The following TRABD2B variants were observed in gnomAD, a reference collection of about 807,000 sequenced individuals.
TRABD2B encodes the protein metalloprotease TIKI2.
TRABD2B carries 14 observed loss-of-function variants against 40.1 expected under a neutral mutation model. The ratio of observed to expected loss-of-function variants is 0.35; its 90% CI spans 0.23 to 0.55. The LOEUF is 0.55. TRABD2B is among the 20% of genes least tolerant of loss of function. The probability of loss-of-function intolerance (pLI) is 0.90; values close to 1 mark genes in which losing one functional copy is unlikely to be tolerated. For missense variants in TRABD2B, 541 were observed against 648.6 expected (o/e 0.83, Z 1.80); for synonymous variants, 263 against 277.0 (o/e 0.95, Z 0.50).
chr1:47,890,245 C>T (rs931855952), intron 2 of TRABD2B, among the ~76,000 whole-genome samples: 1 of 152,154 alleles, frequency 6.6e-6, no homozygotes, highest in Non-Finnish European at 1.5e-5. Flanking sequence ...GTAACAGGAT[C>T]GGGGTCAGGT....
At chr1:47,956,364 C>G (rs1645422140) in intron 2 of TRABD2B, among the ~76,000 whole-genome samples, 1 of 152,158 alleles carries the variant, frequency 6.6e-6, no homozygotes, top group African/African-American at 2.4e-5. Flanking sequence ...GCTTGTCGGA[C>G]AGTGGGTGCA....
intron 2 of TRABD2B, among the ~76,000 whole-genome samples, chr1:47,971,574 A>G (rs1050003442): frequency 1.4e-4 from 22 of 152,176 alleles, no homozygotes; most frequent in African/African-American, 5.3e-4. Context: ...ACACTCAGAT[A>G]CCACACCTTA....
chr1:47,897,066 A>G (rs938176116), intron 2 of TRABD2B, among the ~76,000 whole-genome samples: 2 of 152,214 alleles, frequency 1.3e-5, no homozygotes, highest in Non-Finnish European at 2.9e-5. Context: ...AAACATAGCA[A>G]GTAAATTATG....
intron 2 of TRABD2B, among the ~76,000 whole-genome samples, chr1:47,844,694 A>G (rs1171362732): frequency 6.6e-6 from 1 of 152,212 alleles, no homozygotes; most frequent in Non-Finnish European, 1.5e-5. Flanking sequence ...GGAATGATGG[A>G]TTCAGGAACA....
intron 2 of TRABD2B, among the ~76,000 whole-genome samples, chr1:47,992,314 A>G (rs1223222850): frequency 6.6e-6 from 1 of 152,138 alleles, no homozygotes; most frequent in Non-Finnish European, 1.5e-5. Context: ...AACCTCACAC[A>G]CACTTTCCAG....
chr1:47,924,032 T>C (rs375027206), intron 2 of TRABD2B, among the ~76,000 whole-genome samples: 1 of 152,078 alleles, frequency 6.6e-6, no homozygotes, highest in Non-Finnish European at 1.5e-5. Context: ...ATTTATGGTC[T>C]AGAATGTTTC....
intron 2 of TRABD2B, among the ~76,000 whole-genome samples, chr1:47,977,049 G>T (rs1645766101): frequency 6.6e-6 from 1 of 150,630 alleles, no homozygotes; most frequent in Admixed American, 6.7e-5. Flanking sequence ...TTAGCTTTAT[G>T]CAATTTTAAG....
At chr1:47,914,516 C>T (rs1644804656) in intron 2 of TRABD2B, among the ~76,000 whole-genome samples, 1 of 152,266 alleles carries the variant, frequency 6.6e-6, no homozygotes, top group Non-Finnish European at 1.5e-5. Context: ...GGCCCACAGC[C>T]AGCTCATCTG....
intron 2 of TRABD2B, among the ~76,000 whole-genome samples, chr1:47,942,407 A>G (rs756683334): frequency 1.3e-5 from 2 of 152,154 alleles, no homozygotes; most frequent in Admixed American, 1.3e-4. Flanking sequence ...CAGTGGCTCC[A>G]TAGCTGCAGT....
chr1:47,795,095 G>A (rs1345291974), intron 3 of TRABD2B, among the ~76,000 whole-genome samples: 1 of 152,182 alleles, frequency 6.6e-6, no homozygotes, highest in African/African-American at 2.4e-5. Context: ...TATGGAGCAA[G>A]GTGGACTTAG....
At chr1:47,943,350 C>T (rs913904090) in intron 2 of TRABD2B, among the ~76,000 whole-genome samples, 7 of 152,318 alleles carry the variant, frequency 4.6e-5, no homozygotes, top group South Asian at 2.1e-4. Context: ...TGAGCTTCTA[C>T]GTCCCATTAT....
At chr1:47,896,684 T>C (rs905356824) in intron 2 of TRABD2B, among the ~76,000 whole-genome samples, 1 of 152,180 alleles carries the variant, frequency 6.6e-6, no homozygotes, top group Non-Finnish European at 1.5e-5. Context: ...CTCTCTGAGG[T>C]ACCTCTACCT....
At chr1:47,863,708 C>T (rs1293691416) in intron 2 of TRABD2B, among the ~76,000 whole-genome samples, 2 of 152,090 alleles carry the variant, frequency 1.3e-5, no homozygotes, top group Admixed American at 6.6e-5. Flanking sequence ...CAAAATTAAA[C>T]ACACTCTTAC....
At position 47,775,295 on chromosome 1, in the gene TRABD2B, G is replaced by T. The variant is rs1204821581; in HGVS notation, c.1224C>A (p.His408Gln). The T allele has an allele frequency of 6.4e-6, 8 of 1,255,758 alleles. No individual in the cohort carries two copies. The highest frequency in any genetic ancestry group is 5.0e-6 in the Non-Finnish European group (5 of 997,560). The allele number at this position is 1,255,758 out of a possible 1,614,324, so 77.8% of individuals were successfully genotyped here. Residue 408 changes from histidine to glutamine, a missense_variant, in exon 6 of 7, where the codon CAC (histidine) becomes CAA (glutamine). His to Gln is a conservative substitution (Grantham distance 24, BLOSUM62 0). Transcript: ENST00000606738. ...PEDEDPALSPHLLLPDSLSQL... is the reference protein window; with the variant it reads ...PEDEDPALSPQLLLPDSLSQL... Reference sequence around the variant, plus strand: ...GGCTGAGGCTGTCGGGGAGCAGGAGGTGTGGGGACAGGGCTGGATCCTCAT... The same window carrying T: ...GGCTGAGGCTGTCGGGGAGCAGGAGTTGTGGGGACAGGGCTGGATCCTCAT...
chr1:47,967,904 A>C (rs1207074070), intron 2 of TRABD2B, among the ~76,000 whole-genome samples: 1 of 152,274 alleles, frequency 6.6e-6, no homozygotes, highest in Non-Finnish European at 1.5e-5. Flanking sequence ...AACGGTTATA[A>C]CTTTTTATCC....
chr1:47,965,398 A>C (rs926590072), intron 2 of TRABD2B, among the ~76,000 whole-genome samples: 7 of 152,062 alleles, frequency 4.6e-5, no homozygotes, highest in Admixed American at 3.3e-4. Flanking sequence ...GCAAAAAAAA[A>C]AAAAATCTCC....
In TRABD2B at chr1:47,823,276, A is replaced by C. The variant is rs1570048061; in HGVS notation, c.667-21657T>G. Among the ~76,000 whole-genome samples the C allele has an allele frequency of 2.0e-5, 3 of 152,254 alleles. No homozygotes were observed. In the East Asian group the frequency reaches 5.8e-4, roughly 29 times the overall value. ...GTCAGCACATTCTTGGAACAAATGCACTGAAAGGCTGGTCCTCCGATTCCA... is the reference window on the plus strand; with the variant it reads ...GTCAGCACATTCTTGGAACAAATGCCCTGAAAGGCTGGTCCTCCGATTCCA... On this transcript the variant is annotated intron_variant, in intron 2 of 6. Coordinates refer to ENST00000606738, the MANE Select transcript of TRABD2B (RefSeq NM_001194986.2).
At chr1:47,795,758 C>T (rs1557573731) in intron 3 of TRABD2B, 16 of 945,818 alleles carry the variant, frequency 1.7e-5, no homozygotes, top group East Asian at 1.2e-4. Flanking sequence ...CCACCAACTC[C>T]CCATCCCTGC....
Position 47,945,593 on chromosome 1 carries a change from A to G in TRABD2B, c.666+48441T>C, listed in dbSNP as rs574467038. ...CTGTAGTAAACCCTCCCTCCTCCTC[A>G]GTCCCTGACAATCACTGATGTTTTC... On this transcript the variant is annotated intron_variant, in intron 2 of 6. Coordinates refer to ENST00000606738, the MANE Select transcript of TRABD2B (RefSeq NM_001194986.2). Among the ~76,000 whole-genome samples the G allele has an allele frequency of 2.6e-5, 4 of 152,216 alleles. No individual in the cohort carries two copies. The South Asian group carries it at 6.2e-4, about 24-fold the overall frequency.
Sources: gnomAD v4.1 joint callset for allele counts (sites outside exome capture counted in the v4.1 genomes callset) on GRCh38, gnomAD v4.1.1 for gene constraint, MANE v1.5 for transcripts, NCBI Gene and HGNC (gene_info 2026-07-23, HGNC 2026-07-21) for gene names.